Variants in SYDE2 observed in about 807,000 individuals in gnomAD.
The protein encoded by SYDE2 is rho GTPase-activating protein SYDE2.
Under a neutral mutation model 91.5 loss-of-function variants are expected in SYDE2, and 76 were observed. The observed-to-expected ratio is 0.83, with a 90% CI of 0.69 to 1.01. The LOEUF is 1.01. Ranked by LOEUF, SYDE2 falls within the 50% of genes least tolerant of loss-of-function variation. SYDE2 has a pLI of 0.00. For missense variants in SYDE2, 1,364 were observed against 1,367.7 expected (o/e 1.00, Z 0.04); for synonymous variants, 513 against 506.4 (o/e 1.01, Z -0.18).
intron 2 of SYDE2, among the ~76,000 whole-genome samples, chr1:85,186,552 G>C (rs1005986398): frequency 2.6e-5 from 4 of 151,922 alleles, no homozygotes; most frequent in Non-Finnish European, 4.4e-5. Context: ...AGCCCGCATC[G>C]CCAAGTTAAT....
chr1:85,181,800 A>G (rs1402506981), intron 3 of SYDE2: 2 of 230,596 alleles, frequency 8.7e-6, no homozygotes, highest in Non-Finnish European at 1.7e-5. Context: ...TGCCTATGTT[A>G]TCAGCTCTGA....
At chr1:85,161,031 T>C in intron 6 of SYDE2, 1 of 981,650 alleles carries the variant, frequency 1.0e-6, no homozygotes. Context: ...GATGTCAGAG[T>C]GGTTTACAAC....
intron 1 of SYDE2, among the ~76,000 whole-genome samples, chr1:85,198,752 T>C (rs1361651422): frequency 6.6e-6 from 1 of 152,180 alleles, no homozygotes; most frequent in Non-Finnish European, 1.5e-5. Context: ...AATATTTGAC[T>C]ATTTTTTGTT....
At chr1:85,198,378 A>G (rs573026749) in intron 1 of SYDE2, among the ~76,000 whole-genome samples, 15 of 152,268 alleles carry the variant, frequency 9.9e-5, no homozygotes, top group African/African-American at 3.1e-4. Flanking sequence ...ATGAAAAATA[A>G]TTTTTTTAAA....
downstream of SYDE2, among the ~76,000 whole-genome samples, chr1:85,156,285 G>A (rs900686341): frequency 2.6e-5 from 4 of 151,724 alleles, no homozygotes; most frequent in Admixed American, 2.6e-4. Context: ...AGTGGCTCAC[G>A]CCTGTAATCC....
rs1571220512 is a variant in SYDE2 at position 85,158,685 on chromosome 1, G to A, written c.*65C>T. The A allele has an allele frequency of 1.6e-6, 1 of 636,716 alleles. No individual in the cohort carries two copies. Among genetic ancestry groups the A allele is most frequent in the Non-Finnish European group, 2.8e-6 (1 of 354,462 alleles). 39.4% of individuals were successfully genotyped at this position (636,716 alleles called of 1,614,324 possible). A position where few individuals can be genotyped will look rare whatever the true frequency, so the allele number is the denominator to read the frequency against. ...AAAAATGAAAACATCGCTGTGGGTG[G>A]TATAAGAAAATAAAACAAAAACAGA... On this transcript the variant is annotated 3_prime_UTR_variant, in exon 7 of 7. Transcript: ENST00000341460.
chr1:85,188,371 C>G (rs1028510538), intron 2 of SYDE2, among the ~76,000 whole-genome samples: 2 of 152,102 alleles, frequency 1.3e-5, no homozygotes, highest in Admixed American at 1.3e-4. Context: ...AATAAAAAAA[C>G]ACAACATTTC....
chr1:85,189,624 TC>T (rs1174483435), intron 2 of SYDE2, among the ~76,000 whole-genome samples: 2 of 152,118 alleles, frequency 1.3e-5, no homozygotes, highest in East Asian at 3.9e-4. Flanking sequence ...TGGTTTGAGG[TC>T]AGGAGTTCAA....
Position 85,158,193 on chromosome 1 carries a change from CA to C in SYDE2, c.*556del, listed in dbSNP as rs1161988778. The C allele has an allele frequency of 1.3e-5, 2 of 152,312 alleles. No homozygotes were observed. The highest frequency in any genetic ancestry group is 4.8e-5 in the African/African-American group (2 of 41,436). 9.4% of individuals were successfully genotyped at this position (152,312 alleles called of 1,614,324 possible). A position where few individuals can be genotyped will look rare whatever the true frequency, so the allele number is the denominator to read the frequency against. On this transcript the variant is annotated 3_prime_UTR_variant, in exon 7 of 7. Transcript: ENST00000341460. The stretch of plus-strand genomic sequence containing the variant: ...AGGAGTTCGAGACCAGCCTGGCCAA[CA>C]TGGTGAAACCCCATCTTTACTAAAA...
At chr1:85,161,792 T>C (rs1468569646) in intron 6 of SYDE2, among the ~76,000 whole-genome samples, 1 of 151,824 alleles carries the variant, frequency 6.6e-6, no homozygotes, top group Non-Finnish European at 1.5e-5. Context: ...TCTCTCTAAA[T>C]TGATTTATCC....
At chr1:85,169,320 C>T (rs1277468065) in intron 4 of SYDE2, 95 bp from the exon 5 acceptor site, 1 of 859,406 alleles carries the variant, frequency 1.2e-6, no homozygotes, top group Non-Finnish European at 1.8e-6. Context: ...TTATAGCCAA[C>T]TTTCAACATT....
At chr1:85,160,098 G>C in intron 6 of SYDE2, 1 of 984,262 alleles carries the variant, frequency 1.0e-6, no homozygotes, top group Non-Finnish European at 1.2e-6. Flanking sequence ...TTAAAATGCT[G>C]ACACATAGCT....
At chr1:85,160,649 CT>C (rs1253620658) in intron 6 of SYDE2, 1 of 985,270 alleles carries the variant, frequency 1.0e-6, no homozygotes, top group East Asian at 1.1e-4. Flanking sequence ...CCACTATCTC[CT>C]TGCTTTTCCC....
In SYDE2 at chr1:85,169,085, A is replaced by G. The variant is rs940137450; in HGVS notation, c.2812T>C (p.Tyr938His). ...GCENDPGDSK[Y>H]TVDLLDCLPE... Reference sequence around the variant, plus strand: ...AGACAATCCAGCAGGTCAACAGTGTACTTAGAGTCACCTGGGTCATTCTCA... The same window carrying G: ...AGACAATCCAGCAGGTCAACAGTGTGCTTAGAGTCACCTGGGTCATTCTCA... The change falls in exon 5 of 7, where the codon TAC (tyrosine) becomes CAC (histidine). Residue 938 changes from tyrosine to histidine, a missense_variant. Coordinates refer to ENST00000341460, the MANE Select transcript of SYDE2 (RefSeq NM_032184.2). 6.2e-7 allele frequency: 1 copy of G among 1,613,914 alleles called. No individual in the cohort carries two copies. Among genetic ancestry groups the G allele is most frequent in the Non-Finnish European group, 8.5e-7 (1 of 1,179,814 alleles).
chr1:85,170,326 C>G (rs1657458004), intron 4 of SYDE2, among the ~76,000 whole-genome samples: 1 of 152,032 alleles, frequency 6.6e-6, no homozygotes. Context: ...ACTTGAATTG[C>G]TGGCCTCAAG....
downstream of SYDE2, among the ~76,000 whole-genome samples, chr1:85,156,090 A>C (rs527842654): frequency 1.3e-5 from 2 of 152,278 alleles, no homozygotes; most frequent in Admixed American, 6.5e-5. Context: ...ATTTGGCTTA[A>C]ATGATAAGAA....
chr1:85,155,026 G>GAAAAAAAAAAAAAAAAAA (rs1656847004), downstream of SYDE2, among the ~76,000 whole-genome samples: 1 of 81,428 alleles, frequency 1.2e-5, no homozygotes, highest in Non-Finnish European at 2.7e-5. Flanking sequence ...AAAAAAAAAA[G>GAAAAAAAAAAAAAAAAAA]AAAAGAAAAA....
At chr1:85,177,890 C>A (rs1433042483) in intron 4 of SYDE2, among the ~76,000 whole-genome samples, 4 of 152,072 alleles carry the variant, frequency 2.6e-5, no homozygotes, top group African/African-American at 4.8e-5. Context: ...TATGAAGGTA[C>A]CTTTTTCTTT....
chr1:85,156,540 T>C (rs865835867), downstream of SYDE2, among the ~76,000 whole-genome samples: 2 of 152,230 alleles, frequency 1.3e-5, no homozygotes, highest in Middle Eastern at 3.4e-3. Context: ...AGTAAAGACA[T>C]CTAAACTTAT....
Sources: allele counts gnomAD v4.1 joint callset (sites outside exome capture counted in the v4.1 genomes callset), GRCh38; gene constraint gnomAD v4.1.1; transcripts MANE v1.5; gene names NCBI Gene and HGNC (gene_info 2026-07-23, HGNC 2026-07-21).